The following THSD7A variants were observed in gnomAD, a reference collection of about 807,000 sequenced individuals.
THSD7A encodes the protein thrombospondin type 1 domain containing 7A.
THSD7A carries 96 observed loss-of-function variants against 231.3 expected under a neutral mutation model. The observed-to-expected ratio is 0.41, with a 90% CI of 0.35 to 0.49. The LOEUF is 0.49. THSD7A is among the 20% of genes least tolerant of loss of function. The pLI is 0.05. For synonymous variants in THSD7A, 940 were observed against 743.3 expected, an observed-to-expected ratio of 1.26 and a Z score of -4.30; for missense variants, 2,290 against 2,070.2, an observed-to-expected ratio of 1.11 and a Z score of -2.06.
At chr7:11,439,544 TGA>T (rs914083434) in intron 13 of THSD7A, among the ~76,000 whole-genome samples, 3 of 152,030 alleles carry the variant, frequency 2.0e-5, no homozygotes, top group African/African-American at 7.2e-5. Context: ...AAAAACTTCT[TGA>T]AGGAAATTGA....
At chr7:11,464,970 T>C (rs928446727) in intron 9 of THSD7A, among the ~76,000 whole-genome samples, 4 of 152,118 alleles carry the variant, frequency 2.6e-5, no homozygotes, top group African/African-American at 9.7e-5. Context: ...CAGCACACAT[T>C]AAAAACAAAA....
chr7:11,800,753 C>T (rs924301463), intron 1 of THSD7A, among the ~76,000 whole-genome samples: 3 of 151,974 alleles, frequency 2.0e-5, no homozygotes, highest in Non-Finnish European at 2.9e-5. Flanking sequence ...AATTGTTTTT[C>T]GATGAGTATA....
In THSD7A at chr7:11,412,654, A is replaced by G; in HGVS notation, c.3682+2T>C. On this transcript the variant is annotated splice_donor_variant, in intron 18 of 27. Transcript: ENST00000423059. LOFTEE classifies it high-confidence loss of function. The stretch of plus-strand genomic sequence containing the variant: ...TCCGTGATCAGATGATGATCCATGT[A>G]CCTGTTACATTATAATCATAGTGGT... 6.2e-7 allele frequency: 1 copy of G among 1,613,718 alleles called. No homozygotes were observed. Among genetic ancestry groups the G allele is most frequent in the Non-Finnish European group, 8.5e-7 (1 of 1,179,724 alleles).
chr7:11,667,023 A>C (rs1023148054), intron 1 of THSD7A, among the ~76,000 whole-genome samples: 1 of 152,132 alleles, frequency 6.6e-6, no homozygotes, highest in Non-Finnish European at 1.5e-5. Context: ...AGGTTTATTC[A>C]CTGAACTTAA....
chr7:11,753,600 C>T (rs1782578216), intron 1 of THSD7A, among the ~76,000 whole-genome samples: 1 of 151,576 alleles, frequency 6.6e-6, no homozygotes, highest in Non-Finnish European at 1.5e-5. Flanking sequence ...ACTACTGCCC[C>T]TACCATTGTT....
intron 23 of THSD7A, among the ~76,000 whole-genome samples, chr7:11,399,409 G>A (rs1437147009): frequency 1.3e-5 from 2 of 151,862 alleles, no homozygotes; most frequent in African/African-American, 4.8e-5. Flanking sequence ...TTTGCCATGA[G>A]CTGGTCTATT....
chr7:11,696,025 G>A (rs1320847719), intron 1 of THSD7A, among the ~76,000 whole-genome samples: 2 of 151,452 alleles, frequency 1.3e-5, no homozygotes. Flanking sequence ...TATAATATGA[G>A]GAGTTTAGGA....
intron 1 of THSD7A, among the ~76,000 whole-genome samples, chr7:11,696,622 A>T (rs1474052150): frequency 6.6e-6 from 1 of 151,138 alleles, no homozygotes; most frequent in Non-Finnish European, 1.5e-5. Context: ...CCAAATCATG[A>T]GTGAACTCCC....
intron 1 of THSD7A, chr7:11,820,852 C>A: frequency 1.1e-6 from 1 of 948,688 alleles, no homozygotes. Context: ...TATAAGTTTT[C>A]TGTTTTCTCA....
chr7:11,829,901 TA>T (rs1785145458), intron 1 of THSD7A, among the ~76,000 whole-genome samples: 1 of 152,168 alleles, frequency 6.6e-6, no homozygotes, highest in African/African-American at 2.4e-5. Context: ...GAAATATCTT[TA>T]ACATCCTCAT....
Position 11,474,431 on chromosome 7 carries a change from T to C in THSD7A, c.2155A>G (p.Thr719Ala), listed in dbSNP as rs1363400017. Residue 719 changes from threonine (T) to alanine (A), a missense_variant, in exon 8 of 28, where the codon ACT becomes GCT. Coordinates refer to ENST00000423059, the MANE Select transcript of THSD7A (RefSeq NM_015204.3). The surrounding 1 kb of genome is among the most constrained non-coding windows in gnomAD (Gnocchi z 4.1). ...GAGGCCTCCCCATTCCAAGTCGTAG[T>C]TGTGTTGAAGGACGATACTGAGGTG... ...EDTSVSSFNT[T>A]TTWNGEASCS... 5.6e-6 allele frequency: 9 copies of C among 1,613,620 alleles called. No individual in the cohort carries two copies. The highest frequency in any genetic ancestry group is 7.6e-6 in the Non-Finnish European group (9 of 1,179,614).
chr7:11,585,995 G>A lies in THSD7A; in HGVS notation c.1453+4465C>T, dbSNP rs557284733. Among the ~76,000 whole-genome samples the A allele has an allele frequency of 2.2e-4, 33 of 152,130 alleles. No individual in the cohort carries two copies. In the Middle Eastern group the frequency reaches 0.014, roughly 63 times the overall value. ...AAACAGCATTATTTGAGGACCTGCC[G>A]TATTATTTTCCAGTGCTTTTTACAT... On this transcript the variant is annotated intron_variant, in intron 4 of 27. Coordinates refer to ENST00000423059, the MANE Select transcript of THSD7A (RefSeq NM_015204.3).
At chr7:11,822,331 A>G (rs908204703) in intron 1 of THSD7A, among the ~76,000 whole-genome samples, 2 of 152,104 alleles carry the variant, frequency 1.3e-5, no homozygotes, top group Admixed American at 1.3e-4. Flanking sequence ...GTTTCACTTA[A>G]GTTAAAGACC....
intron 1 of THSD7A, among the ~76,000 whole-genome samples, chr7:11,687,359 G>C (rs1308311280): frequency 1.3e-5 from 2 of 151,990 alleles, no homozygotes; most frequent in Admixed American, 6.6e-5. Context: ...TCCTATGATA[G>C]AGATACTGGT....
chr7:11,641,850 C>T (rs756059305), intron 1 of THSD7A, among the ~76,000 whole-genome samples: 3 of 152,010 alleles, frequency 2.0e-5, no homozygotes. Context: ...TTGGGTATCG[C>T]ATGTGTGTCC....
intron 1 of THSD7A, among the ~76,000 whole-genome samples, chr7:11,772,302 A>G (rs1363595583): frequency 1.3e-5 from 2 of 152,204 alleles, no homozygotes; most frequent in African/African-American, 4.8e-5. Flanking sequence ...GCCACTGTGG[A>G]AAGCAGCATG....
chr7:11,515,478 G>A lies in THSD7A; in HGVS notation c.1822+25941C>T, dbSNP rs117181442. ...AAGGCAGATAATTTAATAATCCATA[G>A]TGCCATAAATAAGCACAATATCAAC... On this transcript the variant is annotated intron_variant, in intron 6 of 27. Transcript: ENST00000423059. Among the ~76,000 whole-genome samples, 30 of 152,164 alleles carry A rather than the reference G, an allele frequency of 2.0e-4. 1 individual carries two copies. The East Asian group carries it at 5.6e-3, about 28-fold the overall frequency.
chr7:11,513,928 C>A (rs902289599), intron 6 of THSD7A, among the ~76,000 whole-genome samples: 6 of 151,674 alleles, frequency 4.0e-5, no homozygotes, highest in African/African-American at 1.5e-4. Context: ...CACAAGCACA[C>A]ACGCATAGGT....
chr7:11,450,631 TAAAAA>T (rs1785113651), intron 11 of THSD7A, among the ~76,000 whole-genome samples: 1 of 152,052 alleles, frequency 6.6e-6, no homozygotes, highest in African/African-American at 2.4e-5. Flanking sequence ...TTATGGATCT[TAAAAA>T]TCATTTCTGA....
Sources: gnomAD v4.1 joint callset for allele counts (sites outside exome capture counted in the v4.1 genomes callset) on GRCh38, gnomAD v4.1.1 for gene constraint, Gnocchi (gnomAD v3.1) non-coding constraint, MANE v1.5 for transcripts, NCBI Gene and HGNC (gene_info 2026-07-23, HGNC 2026-07-21) for gene names.